The following IPO11 variants were observed in gnomAD, a reference collection of about 807,000 sequenced individuals.
The protein encoded by IPO11 is importin 11.
A neutral mutation model predicts 143.2 loss-of-function variants in IPO11; 66 were observed. That is an observed-to-expected ratio of 0.46 (90% CI 0.38 to 0.57). IPO11 has a LOEUF of 0.57. IPO11 is among the 20% of genes least tolerant of loss of function. The probability of loss-of-function intolerance (pLI) is 0.00; values close to 1 mark genes in which losing one functional copy is unlikely to be tolerated. For missense variants in IPO11, 1,026 were observed against 1,141.0 expected, an observed-to-expected ratio of 0.90 and a Z score of 1.45; for synonymous variants, 385 against 377.8, an observed-to-expected ratio of 1.02 and a Z score of -0.22.
At chr5:62,508,297 A>G (rs1319741659) in intron 19 of IPO11, among the ~76,000 whole-genome samples, 1 of 140,878 alleles carries the variant, frequency 7.1e-6, no homozygotes, top group East Asian at 2.1e-4. Context: ...ATGCCTGGCT[A>G]ATTTTTTTTT....
intron 1 of IPO11, among the ~76,000 whole-genome samples, chr5:62,423,813 A>G (rs538230972): frequency 1.3e-5 from 2 of 152,266 alleles, no homozygotes; most frequent in African/African-American, 4.8e-5. Flanking sequence ...AAGTTTTCTA[A>G]TATACTCACT....
At chr5:62,514,342 C>T (rs1370018925) in intron 19 of IPO11, among the ~76,000 whole-genome samples, 1 of 152,102 alleles carries the variant, frequency 6.6e-6, no homozygotes, top group East Asian at 1.9e-4. Flanking sequence ...GCAATCCTGG[C>T]ACCTCGGGAG....
At chr5:62,571,565 G>A (rs1287125875) in intron 27 of IPO11, among the ~76,000 whole-genome samples, 1 of 152,118 alleles carries the variant, frequency 6.6e-6, no homozygotes, top group Non-Finnish European at 1.5e-5. Flanking sequence ...TGAAGAAACT[G>A]ATAACAAGAA....
intron 29 of IPO11, among the ~76,000 whole-genome samples, chr5:62,611,754 G>T (rs949218385): frequency 3.4e-4 from 52 of 152,270 alleles, no homozygotes; most frequent in African/African-American, 1.2e-3. Context: ...TCATTTGGGA[G>T]AACTTTTTTA....
At chr5:62,447,966 C>T (rs1414109902) in intron 3 of IPO11, among the ~76,000 whole-genome samples, 2 of 152,058 alleles carry the variant, frequency 1.3e-5, no homozygotes, top group Non-Finnish European at 2.9e-5. Context: ...CTTCCTGCCT[C>T]GGCCTCCCAG....
At chr5:62,606,348 C>T (rs557163622) in intron 29 of IPO11, among the ~76,000 whole-genome samples, 23 of 151,248 alleles carry the variant, frequency 1.5e-4, no homozygotes, top group Admixed American at 9.9e-4. Context: ...GGCATGATGG[C>T]GTGCATCTGT....
intron 27 of IPO11, chr5:62,580,672 T>C: frequency 6.4e-7 from 1 of 1,551,422 alleles, no homozygotes; most frequent in Non-Finnish European, 8.7e-7. Context: ...AATAAATGTA[T>C]CCAGAGCTTG....
intron 5 of IPO11, among the ~76,000 whole-genome samples, chr5:62,455,693 C>G (rs372911717): frequency 1.1e-4 from 16 of 152,136 alleles, no homozygotes; most frequent in African/African-American, 3.9e-4. Context: ...ATTACGAAAT[C>G]AGCAGTTGAG....
intron 13 of IPO11, among the ~76,000 whole-genome samples, chr5:62,488,792 C>A (rs1746503452): frequency 6.6e-6 from 1 of 152,136 alleles, no homozygotes; most frequent in Non-Finnish European, 1.5e-5. Context: ...CACTTGAGCC[C>A]AGGAGTCCCA....
intron 27 of IPO11, among the ~76,000 whole-genome samples, chr5:62,585,989 G>GT (rs1215844733): frequency 6.6e-6 from 1 of 152,112 alleles, no homozygotes; most frequent in Admixed American, 6.6e-5. Context: ...TTGATTCTCT[G>GT]TTTTTGGTTT....
At chr5:62,590,721 G>A (rs939271848) in intron 27 of IPO11, among the ~76,000 whole-genome samples, 2 of 152,032 alleles carry the variant, frequency 1.3e-5, no homozygotes. Context: ...AGTCTGTAAA[G>A]TCTGCACTTT....
rs754768302 is a variant in IPO11 at position 62,449,940 on chromosome 5, G to A, written c.253G>A (p.Glu85Lys). 7 of 1,579,852 alleles carry A rather than the reference G, an allele frequency of 4.4e-6. No individual in the cohort carries two copies. Among genetic ancestry groups the A allele is most frequent in the Non-Finnish European group, 4.3e-6 (5 of 1,165,102 alleles). ...RRVAPHALSE[E>K]EKTTLRAGLI... ...TTTTTTTTACAGTGCTCTCTCAGAG[G>A]AGGAGAAAACTACTCTGCGTGCAGG... Residue 85 changes from glutamate to lysine, a missense_variant, in exon 4 of 30, where the codon GAG becomes AAG. Coordinates refer to ENST00000325324, the MANE Select transcript of IPO11 (RefSeq NM_016338.5).
intron 29 of IPO11, among the ~76,000 whole-genome samples, chr5:62,614,535 C>CT (rs1746054722): frequency 6.6e-6 from 1 of 152,216 alleles, no homozygotes; most frequent in African/African-American, 2.4e-5. Flanking sequence ...CCCGCCCCCC[C>CT]TCACCCCGCA....
chr5:62,577,301 A>AT (rs1481900969), intron 27 of IPO11, among the ~76,000 whole-genome samples: 1 of 151,952 alleles, frequency 6.6e-6, no homozygotes, highest in East Asian at 1.9e-4. Flanking sequence ...TTATTTTGTC[A>AT]TTTTTCCTTA....
intron 24 of IPO11, among the ~76,000 whole-genome samples, chr5:62,548,065 G>C (rs1462342667): frequency 6.9e-6 from 1 of 144,090 alleles, no homozygotes. Context: ...ATTGTAGGCA[G>C]TATGTATTGA....
intron 6 of IPO11, 24 bp from the exon 7 acceptor site, chr5:62,470,226 G>A (rs376555130): frequency 1.9e-6 from 3 of 1,607,356 alleles, no homozygotes; most frequent in African/African-American, 1.3e-5. Context: ...TAAGATTCAA[G>A]TAAAGCTTGC....
At chr5:62,552,979 T>C (rs1743440682) in intron 26 of IPO11, among the ~76,000 whole-genome samples, 1 of 152,162 alleles carries the variant, frequency 6.6e-6, no homozygotes, top group South Asian at 2.1e-4. Context: ...ACAGCCTCCT[T>C]CTAACTATTT....
At chr5:62,478,194 C>G (rs1457811851) in intron 9 of IPO11, among the ~76,000 whole-genome samples, 2 of 152,050 alleles carry the variant, frequency 1.3e-5, no homozygotes, top group Non-Finnish European at 2.9e-5. Flanking sequence ...GAGATGGGGT[C>G]TGACTCTGTC....
chr5:62,543,012 T>G (rs1345410593), intron 24 of IPO11, among the ~76,000 whole-genome samples: 2 of 152,210 alleles, frequency 1.3e-5, no homozygotes, highest in Non-Finnish European at 2.9e-5. Context: ...ATTTAATCCT[T>G]ACATAAACAT....
Sources: gnomAD v4.1 joint callset for allele counts (sites outside exome capture counted in the v4.1 genomes callset) on GRCh38, gnomAD v4.1.1 for gene constraint, MANE v1.5 for transcripts, NCBI Gene and HGNC (gene_info 2026-07-23, HGNC 2026-07-21) for gene names.